The following FGF14 variants were observed in gnomAD, a reference collection of about 807,000 sequenced individuals.
FGF14 encodes fibroblast growth factor 14, also known as fibroblast growth factor homologous factor 4.
FGF14 carries 5 observed loss-of-function variants against 25.5 expected under a neutral mutation model. The observed-to-expected ratio is 0.20, with a 90% CI of 0.10 to 0.41. The LOEUF (loss-of-function observed/expected upper bound fraction) is 0.41. Among genes scored for constraint, FGF14 ranks in the 10% least tolerant of loss-of-function variants. The pLI is 1.00. For synonymous variants in FGF14, 138 were observed against 118.3 expected (o/e 1.17, Z -1.08); for missense variants, 222 against 320.1 (o/e 0.69, Z 2.34).
intron 1 of FGF14, among the ~76,000 whole-genome samples, chr13:102,180,554 C>G (rs1460446560): frequency 6.6e-6 from 1 of 152,134 alleles, no homozygotes; most frequent in African/African-American, 2.4e-5. Flanking sequence ...CTCCAGTGAT[C>G]CTCCTGCTTA....
Position 101,848,356 on chromosome 13 carries a change from T to C in FGF14, c.408+20369A>G, listed in dbSNP as rs2043574336. ...TATACCATCAGAATTACAACATAACTCTATAGACTCCTACTCCAGTTGTCT... is the reference window on the plus strand; with the variant it reads ...TATACCATCAGAATTACAACATAACCCTATAGACTCCTACTCCAGTTGTCT... On this transcript the variant is annotated intron_variant, in intron 3 of 4. Coordinates refer to ENST00000376143, the MANE Select transcript of FGF14 (RefSeq NM_004115.4). Among the ~76,000 whole-genome samples, 3 of 151,946 alleles carry C rather than the reference T, an allele frequency of 2.0e-5. No homozygotes were observed. The South Asian group carries it at 6.2e-4, about 31-fold the overall frequency.
At chr13:102,294,426 A>C (rs1275549620) in intron 1 of FGF14, among the ~76,000 whole-genome samples, 1 of 151,972 alleles carries the variant, frequency 6.6e-6, no homozygotes, top group Non-Finnish European at 1.5e-5. Context: ...AAAAAAAAAA[A>C]CAAACACATC....
In FGF14 at chr13:101,718,681, C is replaced by G. The variant is rs1336448532; in HGVS notation, c.*4150G>C. ...GTCTTTCTGGGCTCCTTGAGTTTAT[C>G]TGGATTCCAACAGCACTTGGAAAGT... On this transcript the variant is annotated 3_prime_UTR_variant, in exon 5 of 5. Transcript: ENST00000376143. 3 of 151,904 alleles carry G rather than the reference C, an allele frequency of 2.0e-5. No individual in the cohort carries two copies. Among genetic ancestry groups the G allele is most frequent in the African/African-American group, 7.3e-5 (3 of 41,364 alleles). The allele number at this position is 151,904 out of a possible 1,614,324, so 9.4% of individuals were successfully genotyped here. A position where few individuals can be genotyped will look rare whatever the true frequency, so the allele number is the denominator to read the frequency against.
intron 1 of FGF14, among the ~76,000 whole-genome samples, chr13:102,122,450 T>A (rs1177920843): frequency 1.3e-5 from 2 of 152,194 alleles, no homozygotes; most frequent in Admixed American, 1.3e-4. Context: ...ACAAATATCA[T>A]TTCCCCTTGC....
At chr13:102,255,034 C>T (rs1405318060) in intron 1 of FGF14, among the ~76,000 whole-genome samples, 1 of 152,178 alleles carries the variant, frequency 6.6e-6, no homozygotes, top group Non-Finnish European at 1.5e-5. Context: ...TTTGAAACCC[C>T]TTTTATTCTG....
At chr13:101,993,889 G>A (rs1594931714) in intron 1 of FGF14, among the ~76,000 whole-genome samples, 1 of 151,814 alleles carries the variant, frequency 6.6e-6, no homozygotes, top group Non-Finnish European at 1.5e-5. Context: ...CCTGCACATT[G>A]TGCACATGTA....
At chr13:102,289,240 A>T (rs935647684) in intron 1 of FGF14, among the ~76,000 whole-genome samples, 9 of 152,188 alleles carry the variant, frequency 5.9e-5, no homozygotes, top group African/African-American at 2.2e-4. Flanking sequence ...TCTGCTTGCC[A>T]TCACTATATT....
intron 1 of FGF14, chr13:102,367,628 G>A (rs910150031): frequency 6.6e-6 from 1 of 152,208 alleles, no homozygotes. Flanking sequence ...CAAATTACTC[G>A]GAGTGTGTGT....
intron 3 of FGF14, among the ~76,000 whole-genome samples, chr13:101,854,097 G>A (rs1322708): frequency 0.26 from 39,614 of 151,950 alleles, 6,536 homozygotes; most frequent in South Asian, 0.37. Context: ...CAAACACAAT[G>A]TTAGAAATTA....
chr13:101,882,111 C>A (rs1425803455), intron 1 of FGF14, among the ~76,000 whole-genome samples: 5 of 151,606 alleles, frequency 3.3e-5, no homozygotes, highest in Non-Finnish European at 5.9e-5. Flanking sequence ...AAATTTAATA[C>A]ACAGATTTAA....
chr13:101,740,222 T>G (rs1226461733), intron 3 of FGF14, among the ~76,000 whole-genome samples: 2 of 152,130 alleles, frequency 1.3e-5, no homozygotes, highest in African/African-American at 2.4e-5. Context: ...TACAACTCAA[T>G]GTCTGAGAGG....
rs1378771378 is a variant in FGF14, at chr13:101,875,613, A to G, written c.194-317T>C. Among the ~76,000 whole-genome samples, 3 of 152,146 alleles carry G rather than the reference A, an allele frequency of 2.0e-5. No individual in the cohort carries two copies. The East Asian group carries it at 5.8e-4, about 29-fold the overall frequency. The stretch of plus-strand genomic sequence containing the variant: ...GTTTAAACTATAAACGAATTATTAT[A>G]AACAATATTATCATTCATGATGGCA... On this transcript the variant is annotated intron_variant, in intron 1 of 4. Coordinates refer to ENST00000376143, the MANE Select transcript of FGF14 (RefSeq NM_004115.4).
At chr13:102,203,084 G>A (rs571635188) in intron 1 of FGF14, among the ~76,000 whole-genome samples, 170 of 152,274 alleles carry the variant, frequency 1.1e-3, no homozygotes, top group Non-Finnish European at 2.0e-3. Flanking sequence ...AAGAGCCACA[G>A]CCACCATCAT....
At chr13:102,137,094 T>C (rs974453889) in intron 1 of FGF14, among the ~76,000 whole-genome samples, 3 of 152,240 alleles carry the variant, frequency 2.0e-5, no homozygotes, top group Non-Finnish European at 4.4e-5. Flanking sequence ...GTGGTGTGGT[T>C]GCTTCATTAT....
chr13:102,212,101 A>G (rs1276849058), intron 1 of FGF14, among the ~76,000 whole-genome samples: 1 of 152,082 alleles, frequency 6.6e-6, no homozygotes, highest in East Asian at 1.9e-4. Flanking sequence ...CCTGATTCCA[A>G]TTCCCCAACC....
intron 1 of FGF14, among the ~76,000 whole-genome samples, chr13:102,324,536 C>T (rs545529934): frequency 4.6e-5 from 7 of 152,282 alleles, no homozygotes; most frequent in African/African-American, 1.2e-4. Context: ...AGCTTTAATG[C>T]TAGTGGTCCT....
chr13:101,845,877 G>A (rs1401660753), intron 3 of FGF14, among the ~76,000 whole-genome samples: 1 of 151,910 alleles, frequency 6.6e-6, no homozygotes, highest in Non-Finnish European at 1.5e-5. Context: ...CTTTGCAGGG[G>A]GTAGGTGGTG....
intron 1 of FGF14, among the ~76,000 whole-genome samples, chr13:102,047,727 C>T (rs2042048691): frequency 6.6e-6 from 1 of 151,962 alleles, no homozygotes. Flanking sequence ...ATACCTAATG[C>T]TAAATGACGA....
Position 102,243,849 on chromosome 13 carries a change from A to G in FGF14, c.208+157622T>C, listed in dbSNP as rs1439706266. Among the ~76,000 whole-genome samples the G allele has an allele frequency of 3.3e-5, 5 of 151,998 alleles. No individual in the cohort carries two copies. In the South Asian group the frequency reaches 8.3e-4, roughly 25 times the overall value. Reference sequence around the variant, plus strand: ...ATACAGAAAACAGCTATAAAGGACAATTCCTCTCACTGAAACACTATTAAA... The same window carrying G: ...ATACAGAAAACAGCTATAAAGGACAGTTCCTCTCACTGAAACACTATTAAA... On this transcript the variant is annotated intron_variant, in intron 1 of 4. Transcript: ENST00000376131.
Sources: allele counts gnomAD v4.1 joint callset (sites outside exome capture counted in the v4.1 genomes callset), GRCh38; gene constraint gnomAD v4.1.1; transcripts MANE v1.5; gene names NCBI Gene and HGNC (gene_info 2026-07-23, HGNC 2026-07-21).